Variants in HYCC1 observed in about 807,000 individuals in gnomAD.
HYCC1 encodes the protein hyccin PI4KA lipid kinase complex subunit 1.
the HYCC1 span, chr7:22,938,598 T>A: frequency 6.6e-6 from 1 of 152,238 alleles, no homozygotes; most frequent in African/African-American, 2.4e-5. Context: ...AGAATCATTT[T>A]TCTATGTCAG....
At chr7:22,945,115 T>C in the HYCC1 span, 2 of 161,418 alleles carry the variant, frequency 1.2e-5, no homozygotes, top group Non-Finnish European at 2.7e-5. Flanking sequence ...AGCTAGAGAA[T>C]TCCTGGAGTT....
the HYCC1 span, among the ~76,000 whole-genome samples, chr7:23,002,431 A>C: frequency 6.6e-6 from 1 of 152,064 alleles, no homozygotes; most frequent in Non-Finnish European, 1.5e-5. Flanking sequence ...TCTACCATGA[A>C]GAAGCAACCA....
the HYCC1 span, chr7:22,976,369 G>T: frequency 1.4e-4 from 161 of 1,137,480 alleles, no homozygotes; most frequent in Non-Finnish European, 1.9e-4. Context: ...CTATAATAGG[G>T]GAGAGAGCAC....
At chr7:22,942,954 T>G in the HYCC1 span, 1 of 152,144 alleles carries the variant, frequency 6.6e-6, no homozygotes, top group Non-Finnish European at 1.5e-5. Context: ...GAAAATCAAT[T>G]AGTGCAAATC....
the HYCC1 span, among the ~76,000 whole-genome samples, chr7:22,928,847 G>C: frequency 2.0e-5 from 3 of 151,896 alleles, no homozygotes; most frequent in Middle Eastern, 3.2e-3. Context: ...CTACTTTAAA[G>C]TTCATAGGGA....
chr7:22,971,439 C>A, the HYCC1 span, among the ~76,000 whole-genome samples: 1 of 150,964 alleles, frequency 6.6e-6, no homozygotes, highest in Non-Finnish European at 1.5e-5. Context: ...CTTTGGGAGG[C>A]TGAGGCCCCC....
the HYCC1 span, among the ~76,000 whole-genome samples, chr7:22,980,550 T>C: frequency 6.6e-6 from 1 of 152,188 alleles, no homozygotes; most frequent in Non-Finnish European, 1.5e-5. Context: ...GACTCAAAAA[T>C]GTTCTTTAAT....
the HYCC1 span, among the ~76,000 whole-genome samples, chr7:22,972,101 C>G: frequency 1.3e-5 from 2 of 152,144 alleles, no homozygotes; most frequent in Non-Finnish European, 1.5e-5. Flanking sequence ...AAAGCAATGA[C>G]TTATGTGCAT....
At chr7:22,943,375 G>C in the HYCC1 span, 1 of 151,964 alleles carries the variant, frequency 6.6e-6, no homozygotes, top group African/African-American at 2.4e-5. Context: ...AAATCACTTG[G>C]GAACCTTGTT....
the HYCC1 span, among the ~76,000 whole-genome samples, chr7:22,898,243 T>C: frequency 1.3e-5 from 2 of 152,070 alleles, no homozygotes; most frequent in African/African-American, 2.4e-5. Context: ...AGACAGAGTC[T>C]CACTCTGTCA....
At chr7:22,994,143 C>T in the HYCC1 span, among the ~76,000 whole-genome samples, 1 of 152,120 alleles carries the variant, frequency 6.6e-6, no homozygotes, top group Non-Finnish European at 1.5e-5. Context: ...ACATGCTTGG[C>T]TACAGCAGGT....
chr7:22,907,813 G>A, the HYCC1 span, among the ~76,000 whole-genome samples: 1 of 152,228 alleles, frequency 6.6e-6, no homozygotes, highest in African/African-American at 2.4e-5. Flanking sequence ...CCAGGAGGCT[G>A]AGGCAGGAGA....
chr7:22,914,546 T>C, the HYCC1 span, among the ~76,000 whole-genome samples: 1 of 152,158 alleles, frequency 6.6e-6, no homozygotes, highest in Non-Finnish European at 1.5e-5. Context: ...ATGGCACTTT[T>C]GATTTCTCCA....
At chr7:22,947,292 CA>C in the HYCC1 span, 6 of 1,480,132 alleles carry the variant, frequency 4.1e-6, no homozygotes, top group East Asian at 7.4e-5. Context: ...GAAAACAAAA[CA>C]AAAACGTGAA....
chr7:23,003,757 G>A, the HYCC1 span, among the ~76,000 whole-genome samples: 1 of 152,176 alleles, frequency 6.6e-6, no homozygotes, highest in African/African-American at 2.4e-5. Flanking sequence ...AGCCTTTAAT[G>A]AGGTCTGCCA....
At chr7:22,905,144 C>T in the HYCC1 span, among the ~76,000 whole-genome samples, 1 of 152,132 alleles carries the variant, frequency 6.6e-6, no homozygotes, top group Non-Finnish European at 1.5e-5. Flanking sequence ...GACAGATCCA[C>T]CCCCGTGATC....
chr7:22,960,194 G>C, the HYCC1 span: 5 of 1,511,602 alleles, frequency 3.3e-6, no homozygotes, highest in Non-Finnish European at 4.6e-6. Flanking sequence ...AGCACCATAA[G>C]TACAGTGAAA....
At chr7:22,994,769 C>T in the HYCC1 span, among the ~76,000 whole-genome samples, 1 of 152,130 alleles carries the variant, frequency 6.6e-6, no homozygotes, top group Admixed American at 6.5e-5. Flanking sequence ...AGTCTCACCA[C>T]CACTGTCTGC....
At chr7:22,980,222 A>C in the HYCC1 span, among the ~76,000 whole-genome samples, 1 of 152,056 alleles carries the variant, frequency 6.6e-6, no homozygotes, top group Non-Finnish European at 1.5e-5. Flanking sequence ...GAAGCAAGCA[A>C]AGGAGCATTA....
Sources: allele counts gnomAD v4.1 joint callset (sites outside exome capture counted in the v4.1 genomes callset), GRCh38; gene constraint gnomAD v4.1.1; transcripts MANE v1.5; gene names NCBI Gene and HGNC (gene_info 2026-07-23, HGNC 2026-07-21).